Variants in ANO10 observed in about 807,000 individuals in gnomAD.
ANO10 encodes anoctamin-10.
ANO10 carries 77 observed loss-of-function variants against 74.7 expected under a neutral mutation model. The observed-to-expected ratio is 1.03, with a 90% CI of 0.86 to 1.25. The LOEUF is 1.25. Among genes scored for constraint, ANO10 ranks in the 50% most tolerant of loss-of-function variants. ANO10 has a pLI of 0.00. For synonymous variants in ANO10, 279 were observed against 284.9 expected, an observed-to-expected ratio of 0.98 and a Z score of 0.21; for missense variants, 721 against 778.1, an observed-to-expected ratio of 0.93 and a Z score of 0.87.
At chr3:43,561,180 A>G in intron 9 of ANO10, 40 bp downstream of exon 9, 1 of 1,600,126 alleles carries the variant, frequency 6.2e-7, no homozygotes, top group South Asian at 1.1e-5. Context: ...GCTATTATTC[A>G]CTCTCAGTAA....
In ANO10 at chr3:43,643,678, C is replaced by CTTTTTTTTTTTTTTTTTTTTTTTTTT. The variant is rs1310556861; in HGVS notation, c.-11-37816_-11-37815insAAAAAAAAAAAAAAAAAAAAAAAAAA. On this transcript the variant is annotated intron_variant, in intron 1 of 3. Coordinates refer to the ANO10 transcript ENST00000413397. ...AAGCTTTTCATGTACTTGTCCTCAT[C>CTTTTTTTTTTTTTTTTTTTTTTTTTT]TTTTCTTTTTTTTTTTTTTTTTTTA... Among the ~76,000 whole-genome samples, 17 of 133,616 alleles carry CTTTTTTTTTTTTTTTTTTTTTTTTTT rather than the reference C, an allele frequency of 1.3e-4. 2 individuals are homozygous for CTTTTTTTTTTTTTTTTTTTTTTTTTT. Among genetic ancestry groups the CTTTTTTTTTTTTTTTTTTTTTTTTTT allele is most frequent in the African/African-American group, 4.7e-4 (15 of 32,120 alleles). 87.7% of individuals were successfully genotyped at this position (133,616 alleles called of 152,430 possible). A position where few individuals can be genotyped will look rare whatever the true frequency, so the allele number is the denominator to read the frequency against.
At chr3:43,673,017 G>A (rs957682879) in intron 1 of ANO10, among the ~76,000 whole-genome samples, 5 of 152,140 alleles carry the variant, frequency 3.3e-5, no homozygotes, top group Non-Finnish European at 7.3e-5. Context: ...TACTAGTTTT[G>A]CACTGACTTA....
chr3:43,420,226 G>C (rs2092799338), intron 12 of ANO10, among the ~76,000 whole-genome samples: 1 of 152,150 alleles, frequency 6.6e-6, no homozygotes, highest in Admixed American at 6.5e-5. Flanking sequence ...AGGGTGGATT[G>C]CTTGAGCCCA....
chr3:43,491,504 A>T (rs1444010908), intron 11 of ANO10, among the ~76,000 whole-genome samples: 1 of 151,878 alleles, frequency 6.6e-6, no homozygotes, highest in Non-Finnish European at 1.5e-5. Flanking sequence ...ATAGAGTAAA[A>T]CTCCATCTCC....
chr3:43,432,204 A>C (rs778059922), intron 12 of ANO10, among the ~76,000 whole-genome samples: 1 of 148,322 alleles, frequency 6.7e-6, no homozygotes, highest in Non-Finnish European at 1.5e-5. Context: ...TGCTGCTTCT[A>C]CACACCTGAT....
At chr3:43,458,417 A>C (rs2075234468) in intron 11 of ANO10, among the ~76,000 whole-genome samples, 1 of 152,218 alleles carries the variant, frequency 6.6e-6, no homozygotes. Context: ...CTTGCCCTGC[A>C]AAGTTTTTAA....
chr3:43,518,989 C>T (rs1028842686), intron 11 of ANO10, among the ~76,000 whole-genome samples: 1 of 152,110 alleles, frequency 6.6e-6, no homozygotes, highest in African/African-American at 2.4e-5. Flanking sequence ...CACCCCTCCC[C>T]TTTTGAAATC....
intron 11 of ANO10, among the ~76,000 whole-genome samples, chr3:43,507,526 C>G (rs2077340247): frequency 1.3e-5 from 2 of 152,134 alleles, no homozygotes; most frequent in South Asian, 4.2e-4. Flanking sequence ...GACCAGTCAG[C>G]ACTGCCTGGA....
chr3:43,410,740 C>A (rs1417955489), intron 12 of ANO10, among the ~76,000 whole-genome samples: 1 of 152,062 alleles, frequency 6.6e-6, no homozygotes, highest in Non-Finnish European at 1.5e-5. Context: ...CAAGTCCATT[C>A]CAACTTACTC....
chr3:43,435,991 G>A (rs1465225706), intron 11 of ANO10, among the ~76,000 whole-genome samples: 1 of 152,112 alleles, frequency 6.6e-6, no homozygotes, highest in East Asian at 1.9e-4. Context: ...TTGTCTCTAT[G>A]GTCAGGAAAG....
At chr3:43,456,471 T>C (rs894405153) in intron 11 of ANO10, among the ~76,000 whole-genome samples, 3 of 152,062 alleles carry the variant, frequency 2.0e-5, no homozygotes, top group African/African-American at 7.2e-5. Flanking sequence ...AAGCAAAGAG[T>C]TGTCCATCGG....
At chr3:43,458,603 G>A (rs1406007883) in intron 11 of ANO10, among the ~76,000 whole-genome samples, 4 of 152,226 alleles carry the variant, frequency 2.6e-5, no homozygotes, top group African/African-American at 9.6e-5. Context: ...GACAAGAAAT[G>A]CAGAGAGCTT....
At chr3:43,642,151 T>C (rs7620653) in intron 1 of ANO10, among the ~76,000 whole-genome samples, 25,885 of 152,156 alleles carry the variant, frequency 0.17, 3,946 homozygotes, top group African/African-American at 0.39. Flanking sequence ...GATCCAGGAA[T>C]GACAAATACA....
chr3:43,375,316 C>T (rs952548924), intron 12 of ANO10, among the ~76,000 whole-genome samples: 12 of 151,798 alleles, frequency 7.9e-5, no homozygotes, highest in Admixed American at 1.3e-4. Context: ...GGCGTGGTGG[C>T]GGGCGCCTGT....
At chr3:43,484,919 C>T (rs112437431) in intron 11 of ANO10, 5 of 712,276 alleles carry the variant, frequency 7.0e-6, no homozygotes, top group Admixed American at 2.9e-5. Flanking sequence ...TTTTTTTTTT[C>T]ACCGGGGCGT....
intron 11 of ANO10, among the ~76,000 whole-genome samples, chr3:43,433,413 C>T (rs1056843545): frequency 6.6e-6 from 1 of 152,084 alleles, no homozygotes; most frequent in Non-Finnish European, 1.5e-5. Context: ...GCCCAATGTC[C>T]CTGTGCTGCA....
intron 12 of ANO10, among the ~76,000 whole-genome samples, chr3:43,371,663 C>A (rs2091616353): frequency 6.6e-6 from 1 of 152,198 alleles, no homozygotes; most frequent in South Asian, 2.1e-4. Context: ...TGTGCACACA[C>A]CCCTTATTCA....
chr3:43,399,360 A>G (rs1254422956), intron 12 of ANO10, among the ~76,000 whole-genome samples: 1 of 152,192 alleles, frequency 6.6e-6, no homozygotes, highest in African/African-American at 2.4e-5. Flanking sequence ...TAATTTATGA[A>G]TGCAATACTT....
At chr3:43,385,588 G>T (rs931692902) in intron 12 of ANO10, among the ~76,000 whole-genome samples, 2 of 152,244 alleles carry the variant, frequency 1.3e-5, no homozygotes, top group Admixed American at 6.5e-5. Context: ...AAAAAGAAAC[G>T]AAATAATGGC....
Sources: gnomAD v4.1 joint callset for allele counts (sites outside exome capture counted in the v4.1 genomes callset) on GRCh38, gnomAD v4.1.1 for gene constraint, MANE v1.5 for transcripts, NCBI Gene and HGNC (gene_info 2026-07-23, HGNC 2026-07-21) for gene names.